The following KANSL1 variants were observed in gnomAD, a reference collection of about 807,000 sequenced individuals.
KANSL1 encodes the protein MLL1/MLL complex subunit KANSL1.
In KANSL1, 22 loss-of-function variants were observed where a neutral mutation model predicts 103.6. The ratio of observed to expected loss-of-function variants is 0.21; its 90% confidence interval spans 0.15 to 0.30. The LOEUF is 0.30. Ranked by LOEUF, KANSL1 falls within the 10% of genes least tolerant of loss-of-function variation. The pLI, the probability that KANSL1 is intolerant of heterozygous loss-of-function variation, is 1.00. For synonymous variants in KANSL1, 600 were observed against 527.6 expected (o/e 1.14, Z -1.88); for missense variants, 1,337 against 1,399.8 (o/e 0.96, Z 0.72).
intron 6 of KANSL1, among the ~76,000 whole-genome samples, chr17:46,057,396 C>A (rs2077971773): frequency 6.6e-6 from 1 of 151,960 alleles, no homozygotes; most frequent in African/African-American, 2.4e-5. Flanking sequence ...AACTGTACCT[C>A]AGGGTAAACA....
At chr17:46,122,963 T>C (rs1303281296) in intron 2 of KANSL1, among the ~76,000 whole-genome samples, 3 of 152,226 alleles carry the variant, frequency 2.0e-5, no homozygotes, top group African/African-American at 7.2e-5. Flanking sequence ...TTAGGCCAAT[T>C]AGTAACTCCT....
chr17:46,191,876 GCGGCAGT>G (rs1401243403), intron 1 of KANSL1, among the ~76,000 whole-genome samples: 6 of 152,132 alleles, frequency 3.9e-5, no homozygotes, highest in Admixed American at 2.0e-4. Context: ...TTTGGGGACC[GCGGCAGT>G]CGGTCTGCCG....
At chr17:46,108,076 T>C (rs888034623) in intron 2 of KANSL1, among the ~76,000 whole-genome samples, 6 of 152,230 alleles carry the variant, frequency 3.9e-5, no homozygotes, top group Admixed American at 6.5e-5. Context: ...ATCATGAACA[T>C]AGCAGCCAGC....
chr17:46,183,840 G>A (rs1397106699), intron 1 of KANSL1, among the ~76,000 whole-genome samples: 3 of 152,014 alleles, frequency 2.0e-5, no homozygotes, highest in African/African-American at 4.8e-5. Context: ...CTGAATCTGG[G>A]AGGCAGCGGC....
At chr17:46,058,383 A>G (rs971842985) in intron 6 of KANSL1, among the ~76,000 whole-genome samples, 1 of 152,202 alleles carries the variant, frequency 6.6e-6, no homozygotes. Flanking sequence ...CTAGACTACT[A>G]AGGTGGCCAA....
At chr17:46,049,617 C>CAAGATTTTTACACTCTGGG (rs1239354936) in intron 7 of KANSL1, 3 of 152,026 alleles carry the variant, frequency 2.0e-5, no homozygotes, top group Non-Finnish European at 4.4e-5. Flanking sequence ...CACCGAGCCT[C>CAAGATTTTTACACTCTGGG]AAGATTTTTA....
At chr17:46,164,316 A>G (rs983084677) in intron 2 of KANSL1, among the ~76,000 whole-genome samples, 2 of 152,250 alleles carry the variant, frequency 1.3e-5, no homozygotes, top group African/African-American at 4.8e-5. Context: ...GAATCCCACA[A>G]CAAGCACTAA....
intron 10 of KANSL1, among the ~76,000 whole-genome samples, chr17:46,036,806 G>A (rs1043020964): frequency 2.6e-5 from 4 of 151,620 alleles, no homozygotes; most frequent in South Asian, 2.1e-4. Flanking sequence ...TGGAACCTCC[G>A]CTTCCCAGTT....
intron 1 of KANSL1, among the ~76,000 whole-genome samples, chr17:46,185,252 C>T (rs557438713): frequency 1.3e-5 from 2 of 152,344 alleles, no homozygotes; most frequent in Admixed American, 6.5e-5. Context: ...ATGCTAAACC[C>T]ATCAGATGAA....
chr17:46,035,150 AT>A (rs2077111706), intron 10 of KANSL1: 1 of 152,250 alleles, frequency 6.6e-6, no homozygotes, highest in African/African-American at 2.4e-5. Flanking sequence ...CAGATAGTTA[AT>A]ACCCTATCCT....
At chr17:46,180,608 C>A (rs1881197) in intron 1 of KANSL1, among the ~76,000 whole-genome samples, 18,651 of 150,270 alleles carry the variant, frequency 0.12, 26 homozygotes, top group Middle Eastern at 0.19. Context: ...ATCACTTGAA[C>A]CCAGGAGGCA....
chr17:46,199,986 C>T (rs142191650), intron 1 of KANSL1, among the ~76,000 whole-genome samples: 2 of 152,112 alleles, frequency 1.3e-5, no homozygotes, highest in Non-Finnish European at 2.9e-5. Context: ...CTAGTGCAAG[C>T]AGTTTAAGCA....
chr17:46,071,985 C>G (rs62060811), intron 4 of KANSL1, among the ~76,000 whole-genome samples: 31 of 136,998 alleles, frequency 2.3e-4, no homozygotes, highest in Non-Finnish European at 3.8e-4. Context: ...TCCCCCCACC[C>G]CTCCCCCCGC....
chr17:46,164,192 G>T (rs1287890931), intron 2 of KANSL1, among the ~76,000 whole-genome samples: 2 of 152,166 alleles, frequency 1.3e-5, no homozygotes, highest in Non-Finnish European at 2.9e-5. Flanking sequence ...AAAAGAGTAC[G>T]TTCACTTCAG....
chr17:46,165,173 T>C (rs1175460410), intron 2 of KANSL1, among the ~76,000 whole-genome samples: 1 of 152,266 alleles, frequency 6.6e-6, no homozygotes, highest in Non-Finnish European at 1.5e-5. Context: ...ATTGCCACTT[T>C]GGCAACATCA....
rs7208413 is a variant in KANSL1 at position 46,050,814 on chromosome 17, G to A, written c.1849-110C>T. The A allele has an allele frequency of 2.7e-4, 233 of 870,198 alleles. No homozygotes were observed. In the East Asian group the frequency reaches 5.6e-3, roughly 21 times the overall value. The allele number at this position is 870,198 out of a possible 1,614,324, so 53.9% of individuals were successfully genotyped here. A position where few individuals can be genotyped will look rare whatever the true frequency, so the allele number is the denominator to read the frequency against. On this transcript the variant is annotated intron_variant, in intron 6 of 14. Transcript: ENST00000432791. ...AAGTTAGCTCCCCATTTGTTATTGC[G>A]AAGACCTTTCTAGATACTTGTGTGA...
chr17:46,216,193 G>A (rs1408867852), intron 1 of KANSL1, among the ~76,000 whole-genome samples: 2 of 152,214 alleles, frequency 1.3e-5, no homozygotes, highest in Non-Finnish European at 1.5e-5. Context: ...CATATAGACG[G>A]CAAGTGAGGC....
chr17:46,122,602 G>C (rs2043329879), intron 2 of KANSL1, among the ~76,000 whole-genome samples: 1 of 152,144 alleles, frequency 6.6e-6, no homozygotes, highest in African/African-American at 2.4e-5. Flanking sequence ...ACTGCACTTT[G>C]CAGATGCTGT....
chr17:46,041,323 G>C (rs2077305925), intron 7 of KANSL1: 1 of 152,142 alleles, frequency 6.6e-6, no homozygotes, highest in South Asian at 2.1e-4. Flanking sequence ...CTCTGGTGCT[G>C]ATGTACAACT....
Sources: gnomAD v4.1 joint callset for allele counts (sites outside exome capture counted in the v4.1 genomes callset) on GRCh38, gnomAD v4.1.1 for gene constraint, MANE v1.5 for transcripts, NCBI Gene and HGNC (gene_info 2026-07-23, HGNC 2026-07-21) for gene names.